Variants in NRG1 observed in about 807,000 individuals in gnomAD.
NRG1 encodes the protein pro-neuregulin-1, membrane-bound isoform.
In NRG1, 18 loss-of-function variants were observed where a neutral mutation model predicts 63.8. That is an observed-to-expected ratio of 0.28 (90% CI 0.19 to 0.42). The LOEUF (loss-of-function observed/expected upper bound fraction) is 0.42. Among genes scored for constraint, NRG1 ranks in the 10% least tolerant of loss-of-function variants. NRG1 has a pLI of 1.00. For synonymous variants in NRG1, 302 were observed against 301.3 expected (o/e 1.00, Z -0.02); for missense variants, 762 against 814.7 (o/e 0.94, Z 0.79).
At chr8:32,242,452 C>T (rs533948101) in intron 1 of NRG1, among the ~76,000 whole-genome samples, 3 of 151,976 alleles carry the variant, frequency 2.0e-5, no homozygotes, top group Admixed American at 2.0e-4. Flanking sequence ...CCAGACTTGG[C>T]AACAGAGCAA....
intron 1 of NRG1, among the ~76,000 whole-genome samples, chr8:32,303,183 C>CAAAAAAAAAAAAAAAAAAA (rs1563291349): frequency 5.0e-5 from 3 of 59,704 alleles, no homozygotes; most frequent in Non-Finnish European, 8.6e-5. Flanking sequence ...AACTCAGTCT[C>CAAAAAAAAAAAAAAAAAAA]CAAAAAAAAA....
chr8:32,067,708 G>C (rs561892251), intron 1 of NRG1, among the ~76,000 whole-genome samples: 1 of 152,220 alleles, frequency 6.6e-6, no homozygotes, highest in South Asian at 2.1e-4. Flanking sequence ...CTCCACCTTT[G>C]AGGTGAGGAC....
chr8:32,730,184 A>T (rs1409231378), intron 6 of NRG1, among the ~76,000 whole-genome samples: 1 of 152,226 alleles, frequency 6.6e-6, no homozygotes, highest in Non-Finnish European at 1.5e-5. Flanking sequence ...GGCCAGGTGC[A>T]TGCCTGTAAT....
intron 1 of NRG1, among the ~76,000 whole-genome samples, chr8:32,576,751 ATTTTTCTC>A (rs1839709948): frequency 1.3e-5 from 2 of 151,450 alleles, no homozygotes; most frequent in African/African-American, 4.8e-5. Flanking sequence ...TTTTCCCTAT[ATTTTTCTC>A]TTTTTAAAAA....
chr8:32,578,838 T>TTA (rs1203447107), intron 1 of NRG1, among the ~76,000 whole-genome samples: 1 of 152,180 alleles, frequency 6.6e-6, no homozygotes, highest in Non-Finnish European at 1.5e-5. Flanking sequence ...GAGCTAGAGT[T>TTA]TAGACAGGAA....
chr8:31,943,651 G>A (rs1802104469), intron 1 of NRG1, among the ~76,000 whole-genome samples: 1 of 152,148 alleles, frequency 6.6e-6, no homozygotes, highest in Non-Finnish European at 1.5e-5. Context: ...TGATGGTGGT[G>A]ATAGGTATAC....
chr8:32,112,115 T>A (rs1232229075), intron 1 of NRG1, among the ~76,000 whole-genome samples: 1 of 152,206 alleles, frequency 6.6e-6, no homozygotes, highest in African/African-American at 2.4e-5. Context: ...TTAAAAGCAA[T>A]GCTCACAAGA....
In NRG1 at chr8:32,635,254, A is replaced by G. The variant is rs529521666; in HGVS notation, c.502+18369A>G. ...ATGCCTGTCACAGATACGGTCATTT[A>G]GTAAACATCTTTTGGATGGATAGGT... On this transcript the variant is annotated intron_variant, in intron 5 of 11. Transcript: ENST00000356819. Among the ~76,000 whole-genome samples, 3 of 152,368 alleles carry G rather than the reference A, an allele frequency of 2.0e-5. No homozygotes were observed. The South Asian group carries it at 6.2e-4, about 32-fold the overall frequency.
rs565801884 is a variant in NRG1 at position 31,715,327 on chromosome 8, G to GA, written c.37+75902dup. On this transcript the variant is annotated intron_variant, in intron 1 of 10. Transcript: ENST00000519301. ...AGATTGACTAATGCTTAAAAATAAA[G>GA]AAAAAATGAATCAATTTAATTGAGA... is the stretch of plus-strand genomic sequence containing the variant. 1.6e-4 allele frequency among the ~76,000 whole-genome samples: 24 copies of GA among 152,128 alleles called. No individual in the cohort carries two copies. The East Asian group carries it at 3.1e-3, about 20-fold the overall frequency.
intron 6 of NRG1, among the ~76,000 whole-genome samples, chr8:32,729,900 T>C (rs1330979055): frequency 6.6e-6 from 1 of 152,148 alleles, no homozygotes; most frequent in Non-Finnish European, 1.5e-5. Context: ...AACTTCTCCT[T>C]TGTTGCACTC....
chr8:32,312,652 C>T (rs1856951823), intron 1 of NRG1, among the ~76,000 whole-genome samples: 1 of 151,962 alleles, frequency 6.6e-6, no homozygotes, highest in South Asian at 2.1e-4. Context: ...CGTCTTGCTC[C>T]GTTAGGACTG....
At chr8:32,706,300 A>G (rs927500630) in intron 5 of NRG1, among the ~76,000 whole-genome samples, 8 of 152,238 alleles carry the variant, frequency 5.3e-5, no homozygotes, top group Admixed American at 4.6e-4. Context: ...GCATAGATAT[A>G]TTAGAATACT....
intron 1 of NRG1, among the ~76,000 whole-genome samples, chr8:32,094,835 C>T (rs1316100850): frequency 8.0e-6 from 1 of 124,382 alleles, no homozygotes; most frequent in African/African-American, 3.5e-5. Context: ...ACCACAATTA[C>T]TTAAAAAGAA....
At chr8:31,754,761 A>T (rs951063116) in intron 1 of NRG1, among the ~76,000 whole-genome samples, 3 of 152,110 alleles carry the variant, frequency 2.0e-5, no homozygotes, top group African/African-American at 7.2e-5. Context: ...ATTATAGTGG[A>T]CAAGTACAAC....
intron 1 of NRG1, among the ~76,000 whole-genome samples, chr8:32,366,618 A>C (rs2129482410): frequency 6.7e-6 from 1 of 148,682 alleles, no homozygotes; most frequent in African/African-American, 2.5e-5. Context: ...GTATATCCAT[A>C]ATATATGTAT....
chr8:32,382,628 A>C (rs532997830), intron 1 of NRG1, among the ~76,000 whole-genome samples: 2 of 152,286 alleles, frequency 1.3e-5, no homozygotes, highest in Non-Finnish European at 1.5e-5. Flanking sequence ...CGTATTTGCC[A>C]CCTAAGTTTT....
chr8:32,304,819 T>G (rs1856003867), intron 1 of NRG1, among the ~76,000 whole-genome samples: 1 of 151,956 alleles, frequency 6.6e-6, no homozygotes, highest in African/African-American at 2.4e-5. Flanking sequence ...GGACAGGAGT[T>G]CAAGACCAGC....
intron 1 of NRG1, among the ~76,000 whole-genome samples, chr8:32,174,397 G>A (rs1270077305): frequency 6.6e-6 from 1 of 151,920 alleles, no homozygotes; most frequent in South Asian, 2.1e-4. Flanking sequence ...ATCTAAAATG[G>A]ACACCCTAAC....
chr8:32,311,162 G>A (rs754320649), intron 1 of NRG1, among the ~76,000 whole-genome samples: 1 of 152,160 alleles, frequency 6.6e-6, no homozygotes, highest in Non-Finnish European at 1.5e-5. Context: ...CAACAAAGAC[G>A]TATTGGATTA....
Sources: allele counts gnomAD v4.1 joint callset (sites outside exome capture counted in the v4.1 genomes callset), GRCh38; gene constraint gnomAD v4.1.1; transcripts MANE v1.5; gene names NCBI Gene and HGNC (gene_info 2026-07-23, HGNC 2026-07-21).